VMA21: variants seen among roughly 807,000 people sequenced by gnomAD.
VMA21 encodes the protein vacuolar ATPase assembly factor VMA21.
For synonymous variants in VMA21, 47 were observed against 34.1 expected (o/e 1.38, Z -1.32); for missense variants, 61 against 80.6 (o/e 0.76, Z 0.93).
chrX:151,401,856 C>A (rs5924931), intron 1 of VMA21, among the ~76,000 whole-genome samples: 39,569 of 109,814 alleles, frequency 0.36, 6,676 homozygotes, highest in Non-Finnish European at 0.53. Flanking sequence ...AAACAATCCT[C>A]CCACTTCAGC....
rs2011290098 is a variant in VMA21, at chrX:151,406,192, CTA to C, written c.*1135_*1136del. The C allele has an allele frequency of 9.0e-6, 1 of 111,428 alleles. No individual in the cohort carries two copies. The highest frequency in any genetic ancestry group is 3.7e-4 in the South Asian group (1 of 2,679). The allele number at this position is 111,428 out of a possible 1,213,427, so 9.2% of individuals were successfully genotyped here. A position where few individuals can be genotyped will look rare whatever the true frequency, so the allele number is the denominator to read the frequency against. On this transcript the variant is annotated 3_prime_UTR_variant, in exon 3 of 3. Coordinates refer to ENST00000330374, the MANE Select transcript of VMA21 (RefSeq NM_001017980.4). ...TCAAAATTCCCCATAATGTTGCCAT[CTA>C]AAAATAACCTCTATTTTAGTTGATA...
chrX:151,397,070 A>AGCGCCC, upstream of VMA21: 1 of 464,239 alleles, frequency 2.2e-6, no homozygotes, highest in Non-Finnish European at 3.8e-6. Context: ...AAGTCATGTG[A>AGCGCCC]GCGCCCGCCC....
At chrX:151,397,057 G>A (rs1310361406), upstream of VMA21, 2 of 489,187 alleles carry the variant, frequency 4.1e-6, no homozygotes, top group East Asian at 3.7e-5. Flanking sequence ...AGCCACCGCC[G>A]GTAAGTCATG....
At position 151,397,335 on chromosome X, in the gene VMA21, G is replaced by C. The variant is rs2011201339; in HGVS notation, c.27G>C (p.Leu9=). 6.9e-6 allele frequency: 8 copies of C among 1,162,921 alleles called. No individual in the cohort carries two copies. Among genetic ancestry groups the C allele is most frequent in the Non-Finnish European group, 9.2e-6 (8 of 872,822 alleles). Residue 9 remains leucine (L), a synonymous_variant, in exon 1 of 3, where the codon CTG becomes CTC. Coordinates refer to ENST00000330374, the MANE Select transcript of VMA21 (RefSeq NM_001017980.4). MERPDKAA[L]NALQPPEFRN... is the part of the protein sequence containing the mutation. ...TGGAGCGCCCGGATAAGGCGGCGCT[G>C]AACGCACTGCAGCCTCCTGAGTTCA...
In VMA21 at chrX:151,397,315, C is replaced by T; in HGVS notation, c.7C>T (p.Arg3Cys). Residue 3 changes from arginine (R) to cysteine (C), a missense_variant, in exon 1 of 3, where the codon CGC becomes TGC. By Grantham distance (180) the Arg-to-Cys change is radical (BLOSUM62 -3). Transcript: ENST00000330374. The part of the protein sequence containing the change: ME[R>C]PDKAALNALQ... ...GTGCCGGCACGGCTACACCATGGAG[C>T]GCCCGGATAAGGCGGCGCTGAACGC... 8.6e-7 allele frequency: 1 copy of T among 1,161,739 alleles called. No homozygotes were observed. The highest frequency in any genetic ancestry group is 2.4e-4 in the Middle Eastern group (1 of 4,145).
At chrX:151,404,562 GCGCCTGCCACTA>G (rs1435010021) in intron 2 of VMA21, among the ~76,000 whole-genome samples, 1 of 110,577 alleles carries the variant, frequency 9.0e-6, no homozygotes, top group East Asian at 2.9e-4. Flanking sequence ...GGGACTACAG[GCGCCTGCCACTA>G]CGCCTGGCTA....
In VMA21 at chrX:151,397,216, C is replaced by G; in HGVS notation, c.-93C>G. The G allele has an allele frequency of 9.8e-7, 1 of 1,017,840 alleles. No homozygotes were observed. The highest frequency in any genetic ancestry group is 1.3e-6 in the Non-Finnish European group (1 of 766,110). 83.9% of individuals were successfully genotyped at this position (1,017,840 alleles called of 1,213,427 possible). A position where few individuals can be genotyped will look rare whatever the true frequency, so the allele number is the denominator to read the frequency against. ...CCGGCGCGAACCGCTACTTCCGGTG[C>G]GAACCGCCTCGGCCGTTCCCTCGCG... On this transcript the variant is annotated 5_prime_UTR_variant, in exon 1 of 3. Transcript: ENST00000330374.
chrX:151,403,717 C>T lies in VMA21; in HGVS notation c.140C>T (p.Thr47Ile). The T allele has an allele frequency of 8.3e-7, 1 of 1,201,447 alleles. No individual in the cohort carries two copies. Residue 47 changes from threonine to isoleucine, a missense_variant, in exon 2 of 3, where the codon ACA becomes ATA. Transcript: ENST00000330374. ...ACTGTTCCTATTGGGTTATATTTCA[C>T]AACTAAATCTTACATATTTGAAGGT... ...MITVPIGLYFTTKSYIFEGAL... is the reference protein window; with the variant it reads ...MITVPIGLYFITKSYIFEGAL...
chrX:151,403,229 T>G (rs934397800), intron 1 of VMA21, among the ~76,000 whole-genome samples: 1 of 112,518 alleles, frequency 8.9e-6, no homozygotes, highest in Non-Finnish European at 1.9e-5. Flanking sequence ...CTCTGGTGTC[T>G]GGTGCTGGTG....
chrX:151,399,117 T>C lies in VMA21; in HGVS notation c.53+1756T>C, dbSNP rs1345952918. The stretch of plus-strand genomic sequence containing the variant: ...GTTTGCTAGTTTTCAAAAGTTTGTA[T>C]GTACACTTTGACTTAATGCTTAGTC... On this transcript the variant is annotated intron_variant, in intron 1 of 2. Transcript: ENST00000330374. Among the ~76,000 whole-genome samples the C allele has an allele frequency of 2.7e-5, 3 of 112,257 alleles. No homozygotes were observed. The Admixed American group carries it at 2.8e-4, about 11-fold the overall frequency.
In VMA21 at chrX:151,408,155, G is replaced by T. The variant is rs919541033; in HGVS notation, c.*3097G>T. The T allele has an allele frequency of 1.8e-5, 2 of 111,212 alleles. No homozygotes were observed. The highest frequency in any genetic ancestry group is 3.8e-5 in the Non-Finnish European group (2 of 53,070). 9.2% of individuals were successfully genotyped at this position (111,212 alleles called of 1,213,427 possible). A position where few individuals can be genotyped will look rare whatever the true frequency, so the allele number is the denominator to read the frequency against. On this transcript the variant is annotated 3_prime_UTR_variant, in exon 3 of 3. Coordinates refer to ENST00000330374, the MANE Select transcript of VMA21 (RefSeq NM_001017980.4). Reference sequence around the variant, plus strand: ...GATCCACCCGCCTCCGCCTCCCAAAGTGCTGGGATTACAGGTATCAGCCAC... The same window carrying T: ...GATCCACCCGCCTCCGCCTCCCAAATTGCTGGGATTACAGGTATCAGCCAC...
chrX:151,401,754 T>A (rs182808926), intron 1 of VMA21, among the ~76,000 whole-genome samples: 153 of 111,642 alleles, frequency 1.4e-3, no homozygotes, highest in Non-Finnish European at 1.9e-3. Context: ...TTCCTAAGTT[T>A]CTTTTTTTTT....
chrX:151,398,510 C>G (rs1228909837), intron 1 of VMA21, among the ~76,000 whole-genome samples: 3 of 111,354 alleles, frequency 2.7e-5, no homozygotes, highest in African/African-American at 9.8e-5. Flanking sequence ...CATGTTGCTG[C>G]AAAGGACATG....
intron 2 of VMA21, among the ~76,000 whole-genome samples, chrX:151,404,128 C>T (rs1241995387): frequency 9.3e-6 from 1 of 107,769 alleles, no homozygotes; most frequent in Admixed American, 9.8e-5. Flanking sequence ...GGCTGGAGTG[C>T]AATGGCGCGA....
upstream of VMA21, chrX:151,397,111 G>GCGCGGCGCGCCGCGC (rs1556034207): frequency 2.9e-6 from 1 of 341,161 alleles, no homozygotes; most frequent in African/African-American, 2.9e-5. Context: ...CGTCGCTGCG[G>GCGCGGCGCGCCGCGC]CGCGCCGCGC....
upstream of VMA21, chrX:151,397,111 G>GCGCGC (rs1158989505): frequency 6.4e-4 from 217 of 341,539 alleles, 2 homozygotes; most frequent in African/African-American, 2.9e-3. Context: ...CGTCGCTGCG[G>GCGCGC]CGCGCCGCGC....
rs953605542 is a variant in VMA21, at chrX:151,406,353, A to ATTTTCT, written c.*1310_*1315dup. ...TTTTTCAGATGAGTGATTATTGGCC[A>ATTTTCT]TTTTCTTTTTCTTTTTCTTTATTTT... is the stretch of plus-strand genomic sequence containing the variant. On this transcript the variant is annotated 3_prime_UTR_variant, in exon 3 of 3. Coordinates refer to ENST00000330374, the MANE Select transcript of VMA21 (RefSeq NM_001017980.4). 5 of 110,470 alleles carry ATTTTCT rather than the reference A, an allele frequency of 4.5e-5. No individual in the cohort carries two copies. Among genetic ancestry groups the ATTTTCT allele is most frequent in the Non-Finnish European group, 7.6e-5 (4 of 52,838 alleles). 9.1% of individuals were successfully genotyped at this position (110,470 alleles called of 1,213,427 possible).
upstream of VMA21, chrX:151,397,180 A>G: frequency 2.7e-6 from 2 of 753,555 alleles, no homozygotes; most frequent in Non-Finnish European, 3.6e-6. Flanking sequence ...TTCCGGCGCG[A>G]ACGGGCACTT....
At position 151,408,649 on chromosome X, in the gene VMA21, A is replaced by G. The variant is rs1438940689; in HGVS notation, c.*3591A>G. 1.8e-5 allele frequency: 2 copies of G among 112,660 alleles called. No homozygotes were observed. Among genetic ancestry groups the G allele is most frequent in the Non-Finnish European group, 3.7e-5 (2 of 53,339 alleles). The allele number at this position is 112,660 out of a possible 1,213,427, so 9.3% of individuals were successfully genotyped here. On this transcript the variant is annotated 3_prime_UTR_variant, in exon 3 of 3. Coordinates refer to ENST00000330374, the MANE Select transcript of VMA21 (RefSeq NM_001017980.4). ...TTACAAGAGCTGGCTGAAGCAGCAC[A>G]TTAGTAACCTGACAAGATTTCTTTT...
Sources: allele counts gnomAD v4.1 joint callset (sites outside exome capture counted in the v4.1 genomes callset), GRCh38; gene constraint gnomAD v4.1.1; transcripts MANE v1.5; gene names NCBI Gene and HGNC (gene_info 2026-07-23, HGNC 2026-07-21).